ZSCAN32: variants seen among roughly 807,000 people sequenced by gnomAD.
The protein encoded by ZSCAN32 is zinc finger and SCAN domain-containing protein 32.
A neutral mutation model predicts 47.4 loss-of-function variants in ZSCAN32; 52 were observed. The ratio of observed to expected loss-of-function variants is 1.10; its 90% CI spans 0.88 to 1.38. ZSCAN32 has a LOEUF of 1.38. Among genes scored for constraint, ZSCAN32 ranks in the 40% most tolerant of loss-of-function variants. The pLI is 0.00. For missense variants in ZSCAN32, 959 were observed against 846.0 expected (o/e 1.13, Z -1.66); for synonymous variants, 346 against 305.7 (o/e 1.13, Z -1.38).
At chr16:3,393,480 C>G (rs1380316490) in intron 3 of ZSCAN32, among the ~76,000 whole-genome samples, 169 bp downstream of exon 3, 1 of 150,930 alleles carries the variant, frequency 6.6e-6, no homozygotes. Context: ...CCTGTCTGGT[C>G]TTCCAAGGTG....
Position 3,383,310 on chromosome 16 carries a change from C to G in ZSCAN32, c.1636G>C (p.Glu546Gln). The change falls in exon 7 of 7, where the codon GAG becomes CAG. Residue 546 changes from glutamate (E) to glutamine (Q), a missense_variant. By Grantham distance (29) the Glu-to-Gln change is conservative. Coordinates refer to ENST00000396852, the MANE Select transcript of ZSCAN32 (RefSeq NM_001284527.2). ...CACTCACTGCACTTGTGAGGCTTCT[C>G]GCCTGTGTGGATTCTTTGATGCCGA... ...LVRHQRIHTG[E>Q]KPHKCSECGK... is the part of the protein sequence containing the mutation. The G allele has an allele frequency of 6.2e-7, 1 of 1,614,182 alleles. No homozygotes were observed. Among genetic ancestry groups the G allele is most frequent in the Non-Finnish European group, 8.5e-7 (1 of 1,180,034 alleles).
intron 6 of ZSCAN32, 86 bp from the exon 7 acceptor site, chr16:3,383,797 A>G: frequency 7.6e-7 from 1 of 1,314,694 alleles, no homozygotes. Flanking sequence ...ACTACGTAGA[A>G]GAAATATCTA....
intron 5 of ZSCAN32, among the ~76,000 whole-genome samples, 178 bp from the exon 6 acceptor site, chr16:3,385,119 T>G (rs574493844): frequency 6.6e-6 from 1 of 152,178 alleles, no homozygotes; most frequent in African/African-American, 2.4e-5. Flanking sequence ...GGTCAAGAGA[T>G]CGAGACCATC....
Position 3,393,216 on chromosome 16 carries a change from A to T in ZSCAN32, c.532+433T>A, listed in dbSNP as rs374136828. Among the ~76,000 whole-genome samples the T allele has an allele frequency of 1.1e-3, 28 of 25,608 alleles. 4 individuals carry two copies. The highest frequency in any genetic ancestry group is 6.2e-3 in the African/African-American group (18 of 2,912). 16.8% of individuals were successfully genotyped at this position (25,608 alleles called of 152,430 possible). On this transcript the variant is annotated intron_variant, in intron 3 of 6. Coordinates refer to ENST00000396852, the MANE Select transcript of ZSCAN32 (RefSeq NM_001284527.2). ...TATATATATATTTATATTTATATAT[A>T]TATATATATATAAATTTATATATTT...
intron 1 of ZSCAN32, among the ~76,000 whole-genome samples, chr16:3,398,936 C>T (rs1416837351): frequency 6.6e-6 from 1 of 152,164 alleles, no homozygotes; most frequent in African/African-American, 2.4e-5. Flanking sequence ...GAAAAAGTCC[C>T]CCTCGACCAG....
chr16:3,390,640 A>C, intron 3 of ZSCAN32, 123 bp from the exon 4 acceptor site: 1 of 746,186 alleles, frequency 1.3e-6, no homozygotes, highest in East Asian at 3.0e-5. Context: ...CAGAAATACA[A>C]ATTCTGGGGC....
In ZSCAN32 at chr16:3,383,185, G is replaced by A; in HGVS notation, c.1761C>T (p.Asn587=). 1 of 1,614,158 alleles carries A rather than the reference G, an allele frequency of 6.2e-7. No homozygotes were observed. The highest frequency in any genetic ancestry group is 8.5e-7 in the Non-Finnish European group (1 of 1,180,018). Residue 587 remains asparagine (N), a synonymous_variant, in exon 7 of 7, where the codon AAC becomes AAT. Transcript: ENST00000396852. The part of the protein sequence containing the change: ...YQCGQCGKSF[N]QSSSLIVHQR... Reference sequence around the variant, plus strand: ...GGTGGACAATGAGGCTGGAACTCTGGTTGAAGCTTTTCCCACATTGCCCAC... The same window carrying A: ...GGTGGACAATGAGGCTGGAACTCTGATTGAAGCTTTTCCCACATTGCCCAC...
chr16:3,382,726 T>A lies in ZSCAN32; in HGVS notation c.*126A>T. 7.0e-7 allele frequency: 1 copy of A among 1,432,508 alleles called. No individual in the cohort carries two copies. 88.7% of individuals were successfully genotyped at this position (1,432,508 alleles called of 1,614,324 possible). A position where few individuals can be genotyped will look rare whatever the true frequency, so the allele number is the denominator to read the frequency against. On this transcript the variant is annotated 3_prime_UTR_variant, in exon 7 of 7. Transcript: ENST00000396852. ...TTATGCTGACTCCTGGTCCTAGACA[T>A]GGGTCTTAAGATCCAGTAGTCAGTA...
chr16:3,391,198 G>C (rs1490008645), intron 3 of ZSCAN32, among the ~76,000 whole-genome samples: 1 of 152,230 alleles, frequency 6.6e-6, no homozygotes. Context: ...CATGGGCCTG[G>C]GAAGAGCGGG....
chr16:3,384,816 C>A lies in ZSCAN32; in HGVS notation c.877G>T (p.Gly293Ter). 1 of 1,614,184 alleles carries A rather than the reference C, an allele frequency of 6.2e-7. No individual in the cohort carries two copies. The highest frequency in any genetic ancestry group is 8.5e-7 in the Non-Finnish European group (1 of 1,180,022). Reference sequence around the variant, plus strand: ...CGCAGAAAACCCTGCTCCCAGAGTCCTTCCGCCATGGCCCTGTAGATCTGG... The same window carrying A: ...CGCAGAAAACCCTGCTCCCAGAGTCATTCCGCCATGGCCCTGTAGATCTGG... ...NSQIYRAMAE[G>*]LWEQGFLRTP... Residue 293 changes from glycine to a stop codon, truncating the protein, a stop_gained, in exon 6 of 7, where the codon GGA (glycine) becomes TGA (stop). Coordinates refer to ENST00000396852, the MANE Select transcript of ZSCAN32 (RefSeq NM_001284527.2). LOFTEE classifies it high-confidence loss of function.
At chr16:3,384,089 A>G (rs889813089) in intron 6 of ZSCAN32, 5 of 474,138 alleles carry the variant, frequency 1.1e-5, no homozygotes, top group Non-Finnish European at 1.8e-5. Flanking sequence ...CAGCTCAAAC[A>G]GGAAGAAAGC....
chr16:3,399,902 G>C (rs968145058), intron 1 of ZSCAN32, among the ~76,000 whole-genome samples: 5 of 152,146 alleles, frequency 3.3e-5, no homozygotes, highest in African/African-American at 1.2e-4. Flanking sequence ...CACTGCACCC[G>C]CGAAGGCAGT....
rs371988668 is a variant in ZSCAN32, at chr16:3,383,076, G to A, written c.1870C>T (p.Arg624Trp). ...GGGCTCTCCCCAGTGTGGATGCGCC[G>A]GTGAGCACTGAACTGGGAACTGTTG... ...FNNSSQFSAH[R>W]RIHTGESPYK... The change falls in exon 7 of 7, where the codon CGG becomes TGG. Residue 624 changes from arginine to tryptophan, a missense_variant. Coordinates refer to ENST00000396852, the MANE Select transcript of ZSCAN32 (RefSeq NM_001284527.2). The A allele has an allele frequency of 4.6e-5, 75 of 1,614,112 alleles. No homozygotes were observed. The highest frequency in any genetic ancestry group is 1.6e-4 in the Middle Eastern group (1 of 6,062).
At chr16:3,396,833 A>G (rs2150906955) in intron 2 of ZSCAN32, among the ~76,000 whole-genome samples, 2 of 152,252 alleles carry the variant, frequency 1.3e-5, no homozygotes, top group Middle Eastern at 3.4e-3. Flanking sequence ...TCTGCCCTCA[A>G]AGAAGCTCCT....
intron 5 of ZSCAN32, among the ~76,000 whole-genome samples, chr16:3,386,331 A>C (rs1364068377): frequency 1.3e-5 from 2 of 152,212 alleles, no homozygotes; most frequent in Non-Finnish European, 2.9e-5. Flanking sequence ...GAACACTTTT[A>C]CACTGTTGGT....
chr16:3,394,897 T>G (rs532355039), intron 2 of ZSCAN32, among the ~76,000 whole-genome samples: 2 of 152,294 alleles, frequency 1.3e-5, no homozygotes, highest in African/African-American at 4.8e-5. Flanking sequence ...TTCCTTCTCC[T>G]CCTTCAGTGT....
rs1244525927 is a variant in ZSCAN32 at position 3,383,529 on chromosome 16, C to T, written c.1417G>A (p.Glu473Lys). Residue 473 changes from glutamate to lysine, a missense_variant, in exon 7 of 7, where the codon GAG becomes AAG. Physicochemically the swap from Glu to Lys is moderately conservative, Grantham distance 56. Transcript: ENST00000396852. ...TTCTCCTGGGATGGGGTTTTCTCCT[C>T]ACTCTCCCCTGGAGAATTTCTACAT... is the stretch of plus-strand genomic sequence containing the variant. ...RQCRNSPGES[E>K]EKTPSQEKMS... 2 of 1,614,048 alleles carry T rather than the reference C, an allele frequency of 1.2e-6. No individual in the cohort carries two copies. Among genetic ancestry groups the T allele is most frequent in the South Asian group, 2.2e-5 (2 of 91,066 alleles).
rs1480020758 is a variant in ZSCAN32, at chr16:3,384,841, G to C, written c.852C>G (p.Ser284Arg). The C allele has an allele frequency of 8.1e-6, 13 of 1,614,178 alleles. No homozygotes were observed. The highest frequency in any genetic ancestry group is 1.0e-5 in the Non-Finnish European group (12 of 1,180,030). ...YGKLQTCQQN[S>R]QIYRAMAEGL... Reference sequence around the variant, plus strand: ...CTTCCGCCATGGCCCTGTAGATCTGGCTGTTCTGCTGACAGGTCTGGAGTT... The same window carrying C: ...CTTCCGCCATGGCCCTGTAGATCTGCCTGTTCTGCTGACAGGTCTGGAGTT... Residue 284 changes from serine to arginine, a missense_variant, in exon 6 of 7, where the codon AGC becomes AGG. Physicochemically the swap from Ser to Arg is moderately radical, Grantham distance 110 (BLOSUM62 -1). Transcript: ENST00000396852.
In ZSCAN32 at chr16:3,393,644, C is replaced by T; in HGVS notation, c.532+5G>A. 1 of 1,542,504 alleles carries T rather than the reference C, an allele frequency of 6.5e-7. No homozygotes were observed. The highest frequency in any genetic ancestry group is 8.8e-7 in the Non-Finnish European group (1 of 1,142,316). ...CCTCAGGTGAGGACAGAGGCTTCTG[C>T]TTACCTTCTGACTGTTCCCCTGGTC... On this transcript the variant is annotated splice_donor_5th_base_variant and intron_variant, in intron 3 of 6. Transcript: ENST00000396852.
Sources: allele counts gnomAD v4.1 joint callset (sites outside exome capture counted in the v4.1 genomes callset), GRCh38; gene constraint gnomAD v4.1.1; transcripts MANE v1.5; gene names NCBI Gene and HGNC (gene_info 2026-07-23, HGNC 2026-07-21).